TTC36: variants seen among roughly 807,000 people sequenced by gnomAD.
TTC36 encodes tetratricopeptide repeat protein 36.
Under a neutral mutation model 17.5 loss-of-function variants are expected in TTC36, and 15 were observed. The ratio of observed to expected loss-of-function variants is 0.86; its 90% CI spans 0.57 to 1.32. The LOEUF is 1.32. TTC36 is among the 40% of genes most tolerant of loss of function. The probability of loss-of-function intolerance (pLI) is 0.00; values close to 1 mark genes in which losing one functional copy is unlikely to be tolerated. For synonymous variants in TTC36, 112 were observed against 109.8 expected, an observed-to-expected ratio of 1.02 and a Z score of -0.13; for missense variants, 292 against 260.9, an observed-to-expected ratio of 1.12 and a Z score of -0.82.
chr11:118,530,381 T>G lies in TTC36; in HGVS notation c.308-273T>G. The G allele has an allele frequency of 2.5e-6, 1 of 392,448 alleles. No individual in the cohort carries two copies. 24.3% of individuals were successfully genotyped at this position (392,448 alleles called of 1,614,324 possible). ...CGTTCATGTTTTCGTGTATTAGCGG[T>G]GGAAAATAATAGGAACAAGGCGAGA... is the stretch of plus-strand genomic sequence containing the variant. On this transcript the variant is annotated intron_variant, in intron 2 of 2. Transcript: ENST00000302783. The surrounding 1 kb of genome is among the most constrained non-coding windows in gnomAD (Gnocchi z 5.8).
chr11:118,529,098 A>G (rs570980816), intron 2 of TTC36, among the ~76,000 whole-genome samples: 73 of 152,342 alleles, frequency 4.8e-4, no homozygotes, highest in South Asian at 2.3e-3. Context: ...GTCACTATGT[A>G]CCAGGCATTA....
Position 118,530,701 on chromosome 11 carries a change from G to C in TTC36, c.355G>C (p.Gly119Arg). Residue 119 changes from glycine to arginine, a missense_variant, in exon 3 of 3, where the codon GGC becomes CGC. Transcript: ENST00000302783. The surrounding 1 kb of genome is among the most constrained non-coding windows in gnomAD (Gnocchi z 5.8). Reference sequence around the variant, plus strand: ...CGCGGTGGAGCTGAGCGGCGGCCGGGGCCGCGCCGCCCGCCAGAGCTTTGT... The same window carrying C: ...CGCGGTGGAGCTGAGCGGCGGCCGGCGCCGCGCCGCCCGCCAGAGCTTTGT... ...ERAVELSGGR[G>R]RAARQSFVQR... is the part of the protein sequence containing the mutation. 6.8e-7 allele frequency: 1 copy of C among 1,479,098 alleles called. No individual in the cohort carries two copies. The highest frequency in any genetic ancestry group is 8.9e-7 in the Non-Finnish European group (1 of 1,123,962). The allele number at this position is 1,479,098 out of a possible 1,614,324, so 91.6% of individuals were successfully genotyped here.
rs377471412 is a variant in TTC36 at position 118,527,629 on chromosome 11, G to A, written c.118+17G>A. The A allele has an allele frequency of 6.3e-7, 1 of 1,594,518 alleles. No individual in the cohort carries two copies. The highest frequency in any genetic ancestry group is 8.6e-7 in the Non-Finnish European group (1 of 1,162,146). On this transcript the variant is annotated intron_variant, in intron 1 of 2. Transcript: ENST00000302783. ...GAGAAGAAGGTGGGCATTTGATCTG[G>A]AGTGTAGCTCTGCACATAGGCTGGC...
chr11:118,530,591 G>A lies in TTC36; in HGVS notation c.308-63G>A. 7.4e-7 allele frequency: 1 copy of A among 1,358,438 alleles called. No homozygotes were observed. The highest frequency in any genetic ancestry group is 1.8e-5 in the South Asian group (1 of 55,436). 84.1% of individuals were successfully genotyped at this position (1,358,438 alleles called of 1,614,324 possible). ...TCCGCGCGGCCGCAGGTGGGCTGGG[G>A]CTCGGGCAAGGCCGCCCTGGCCTCC... On this transcript the variant is annotated intron_variant, in intron 2 of 2. Transcript: ENST00000302783. The surrounding 1 kb of genome is among the most constrained non-coding windows in gnomAD (Gnocchi z 5.8).
At chr11:118,528,150 A>G (rs1951120617) in intron 1 of TTC36, 2 of 358,398 alleles carry the variant, frequency 5.6e-6, no homozygotes, top group Admixed American at 3.7e-5. Flanking sequence ...TTACTAACTC[A>G]GGCCGAAACA....
At chr11:118,529,359 A>G (rs967621558) in intron 2 of TTC36, among the ~76,000 whole-genome samples, 1 of 152,144 alleles carries the variant, frequency 6.6e-6, no homozygotes, top group Non-Finnish European at 1.5e-5. Context: ...GCAGACACAT[A>G]ATTCTGAGAC....
At position 118,530,825 on chromosome 11, in the gene TTC36, A is replaced by G. The variant is rs782443327; in HGVS notation, c.479A>G (p.Gln160Arg). ...ARLGSPFARRQLVLLNPYAAL... is the reference protein window; with the variant it reads ...ARLGSPFARRRLVLLNPYAAL... ...CTGGGCAGCCCCTTCGCGCGGCGCC[A>G]GCTGGTGCTGCTCAACCCCTACGCC... The change falls in exon 3 of 3, where the codon CAG becomes CGG. Residue 160 changes from glutamine (Q) to arginine (R), a missense_variant. Coordinates refer to ENST00000302783, the MANE Select transcript of TTC36 (RefSeq NM_001080441.4). The surrounding 1 kb of genome is among the most constrained non-coding windows in gnomAD (Gnocchi z 5.8). The G allele has an allele frequency of 1.7e-5, 25 of 1,505,938 alleles. No homozygotes were observed. The highest frequency in any genetic ancestry group is 2.2e-5 in the Non-Finnish European group (25 of 1,135,406). 93.3% of individuals were successfully genotyped at this position (1,505,938 alleles called of 1,614,324 possible).
Position 118,528,872 on chromosome 11 carries a change from G to T in TTC36, c.307+81G>T, listed in dbSNP as rs1283320193. On this transcript the variant is annotated intron_variant, in intron 2 of 2. Transcript: ENST00000302783. ...AGAACTGAAGTGGCTGTGCGGCTGG[G>T]GTGGCCTTGCTAAACCCCTGTGGAG... is the stretch of plus-strand genomic sequence containing the variant. 3.6e-6 allele frequency: 5 copies of T among 1,386,962 alleles called. No individual in the cohort carries two copies. In the African/African-American group the frequency reaches 7.3e-5, roughly 20 times the overall value. 85.9% of individuals were successfully genotyped at this position (1,386,962 alleles called of 1,614,324 possible).
At chr11:118,528,499 C>T in intron 1 of TTC36, 104 bp from the exon 2 acceptor site, 5 of 1,216,482 alleles carry the variant, frequency 4.1e-6, no homozygotes, top group Non-Finnish European at 5.7e-6. Flanking sequence ...GACCCATACC[C>T]AGTCAGCTCT....
Position 118,530,186 on chromosome 11 carries a change from A to G in TTC36, c.308-468A>G, listed in dbSNP as rs1484981872. Among the ~76,000 whole-genome samples, 2 of 152,254 alleles carry G rather than the reference A, an allele frequency of 1.3e-5. No homozygotes were observed. The highest frequency in any genetic ancestry group is 2.9e-5 in the Non-Finnish European group (2 of 68,042). The stretch of plus-strand genomic sequence containing the variant: ...AACAATGAGAAACTGTCTTGATTGT[A>G]CTTGTAAGAAATGATTGTGCGGTTA... On this transcript the variant is annotated intron_variant, in intron 2 of 2. Coordinates refer to ENST00000302783, the MANE Select transcript of TTC36 (RefSeq NM_001080441.4). The surrounding 1 kb of genome is among the most constrained non-coding windows in gnomAD (Gnocchi z 5.8).
chr11:118,528,503 C>T (rs1951127875), intron 1 of TTC36, 100 bp from the exon 2 acceptor site: 1 of 1,270,844 alleles, frequency 7.9e-7, no homozygotes, highest in African/African-American at 1.5e-5. Context: ...CATACCCAGT[C>T]AGCTCTGGCT....
chr11:118,530,852 C>T lies in TTC36; in HGVS notation c.506C>T (p.Ala169Val). Residue 169 changes from alanine to valine, a missense_variant, in exon 3 of 3, where the codon GCG becomes GTG. Physicochemically the swap from Ala to Val is moderately conservative, Grantham distance 64. Coordinates refer to ENST00000302783, the MANE Select transcript of TTC36 (RefSeq NM_001080441.4). This position sits in a 1 kb window ranked among gnomAD's most constrained non-coding sequence, Gnocchi z 5.8. ...CTGGTGCTGCTCAACCCCTACGCCG[C>T]GCTGTGCAACCGCATGCTGGCCGAC... ...RQLVLLNPYA[A>V]LCNRMLADMM... 1.3e-6 allele frequency: 2 copies of T among 1,511,334 alleles called. No homozygotes were observed. The highest frequency in any genetic ancestry group is 1.2e-5 in the South Asian group (1 of 81,978). The allele number at this position is 1,511,334 out of a possible 1,614,324, so 93.6% of individuals were successfully genotyped here. A position where few individuals can be genotyped will look rare whatever the true frequency, so the allele number is the denominator to read the frequency against.
chr11:118,528,086 T>A lies in TTC36; in HGVS notation c.118+474T>A. 9.6e-6 allele frequency: 4 copies of A among 415,884 alleles called. No homozygotes were observed. In the Admixed American group the frequency reaches 1.1e-4, roughly 12 times the overall value. The allele number at this position is 415,884 out of a possible 1,614,324, so 25.8% of individuals were successfully genotyped here. A position where few individuals can be genotyped will look rare whatever the true frequency, so the allele number is the denominator to read the frequency against. On this transcript the variant is annotated intron_variant, in intron 1 of 2. Transcript: ENST00000302783. ...GTGCGTTCACTGGCTTTTCCATTAA[T>A]CCCTAATGAAGGAGTTTTTGATCCT...
Position 118,530,747 on chromosome 11 carries a change from G to A in TTC36, c.401G>A (p.Arg134Gln), listed in dbSNP as rs1555057389. The change falls in exon 3 of 3, where the codon CGG (arginine) becomes CAG (glutamine). Residue 134 changes from arginine to glutamine, a missense_variant. Arg to Gln is a conservative substitution (Grantham distance 43). Coordinates refer to ENST00000302783, the MANE Select transcript of TTC36 (RefSeq NM_001080441.4). The surrounding 1 kb of genome is among the most constrained non-coding windows in gnomAD (Gnocchi z 5.8). ...TTTGTGCAGCGCGGACTCCTGGCGCGGCTGCAGGGCCGAGACGACGACGCC... is the reference window on the plus strand; with the variant it reads ...TTTGTGCAGCGCGGACTCCTGGCGCAGCTGCAGGGCCGAGACGACGACGCC... ...QSFVQRGLLA[R>Q]LQGRDDDARR... 2 of 1,501,924 alleles carry A rather than the reference G, an allele frequency of 1.3e-6. No individual in the cohort carries two copies. The highest frequency in any genetic ancestry group is 1.8e-6 in the Non-Finnish European group (2 of 1,134,626). 93.0% of individuals were successfully genotyped at this position (1,501,924 alleles called of 1,614,324 possible).
In TTC36 at chr11:118,527,636, G is replaced by GCT. The variant is rs782359002; in HGVS notation, c.118+27_118+28dup. ...AGGTGGGCATTTGATCTGGAGTGTAGCTCTGCACATAGGCTGGCCTGCTGG... is the reference window on the plus strand; with the variant it reads ...AGGTGGGCATTTGATCTGGAGTGTAGCTCTCTGCACATAGGCTGGCCTGCTGG... On this transcript the variant is annotated intron_variant, in intron 1 of 2. Transcript: ENST00000302783. The GCT allele has an allele frequency of 1.4e-4, 222 of 1,576,700 alleles. 1 individual carries two copies. In the Middle Eastern group the frequency reaches 1.5e-3, roughly 11 times the overall value.
rs1283522686 is a variant in TTC36 at position 118,530,212 on chromosome 11, ATAT to A, written c.308-437_308-435del. On this transcript the variant is annotated intron_variant, in intron 2 of 2. Coordinates refer to ENST00000302783, the MANE Select transcript of TTC36 (RefSeq NM_001080441.4). This position sits in a 1 kb window ranked among gnomAD's most constrained non-coding sequence, Gnocchi z 5.8. ...CTTGTAAGAAATGATTGTGCGGTTA[ATAT>A]TATTTTTTGAACCCTGACATTCAGA... Among the ~76,000 whole-genome samples, 1 of 152,226 alleles carries A rather than the reference ATAT, an allele frequency of 6.6e-6. No homozygotes were observed. Among genetic ancestry groups the A allele is most frequent in the Non-Finnish European group, 1.5e-5 (1 of 68,040 alleles).
intron 2 of TTC36, among the ~76,000 whole-genome samples, chr11:118,529,258 TGG>T (rs1233967504): frequency 1.3e-5 from 2 of 152,218 alleles, no homozygotes; most frequent in Non-Finnish European, 2.9e-5. Context: ...GCAGCAGAGC[TGG>T]GATGTCAACC....
Position 118,527,569 on chromosome 11 carries a change from A to G in TTC36, c.75A>G (p.Gly25=). The G allele has an allele frequency of 6.2e-7, 1 of 1,614,192 alleles. No homozygotes were observed. The highest frequency in any genetic ancestry group is 8.5e-7 in the Non-Finnish European group (1 of 1,180,030). ...ACACCCCATTTGGAGACATTGTTGG[A>G]TTGGACCTCGGAGAGGAAGCAGAAA... The part of the protein sequence containing the change: ...NPDTPFGDIV[G]LDLGEEAEKE... The change falls in exon 1 of 3, where the codon GGA becomes GGG. Residue 25 remains glycine (G), a synonymous_variant. Transcript: ENST00000302783.
chr11:118,528,111 T>A lies in TTC36; in HGVS notation c.119-492T>A, dbSNP rs1299145505. On this transcript the variant is annotated intron_variant, in intron 1 of 2. Coordinates refer to ENST00000302783, the MANE Select transcript of TTC36 (RefSeq NM_001080441.4). Reference sequence around the variant, plus strand: ...TCCCTAATGAAGGAGTTTTTGATCCTTTGTTTCTAGAGGAGTAAAGCCTAC... The same window carrying A: ...TCCCTAATGAAGGAGTTTTTGATCCATTGTTTCTAGAGGAGTAAAGCCTAC... 6.6e-5 allele frequency: 26 copies of A among 392,896 alleles called. 2 individuals are homozygous for A. In the Admixed American group the frequency reaches 7.2e-4, roughly 11 times the overall value. 24.3% of individuals were successfully genotyped at this position (392,896 alleles called of 1,614,324 possible). A position where few individuals can be genotyped will look rare whatever the true frequency, so the allele number is the denominator to read the frequency against.
Sources: gnomAD v4.1 joint callset for allele counts (sites outside exome capture counted in the v4.1 genomes callset) on GRCh38, gnomAD v4.1.1 for gene constraint, Gnocchi (gnomAD v3.1) non-coding constraint, MANE v1.5 for transcripts, NCBI Gene and HGNC (gene_info 2026-07-23, HGNC 2026-07-21) for gene names.